DTD1: variants seen among roughly 807,000 people sequenced by gnomAD.
DTD1 encodes D-aminoacyl-tRNA deacylase 1, also known as D-tyrosyl-tRNA deacylase 1 homolog.
DTD1 carries 13 observed loss-of-function variants against 25.6 expected under a neutral mutation model. The observed-to-expected ratio is 0.51, with a 90% confidence interval of 0.33 to 0.81. The LOEUF (loss-of-function observed/expected upper bound fraction) is 0.81, where lower values mean the gene tolerates loss of function less well. Among genes scored for constraint, DTD1 ranks in the 30% least tolerant of loss-of-function variants. The probability of loss-of-function intolerance (pLI) is 0.02; values close to 1 mark genes in which losing one functional copy is unlikely to be tolerated. For synonymous variants in DTD1, 110 were observed against 103.6 expected, an observed-to-expected ratio of 1.06 and a Z score of -0.37; for missense variants, 193 against 266.4, an observed-to-expected ratio of 0.72 and a Z score of 1.92.
At position 18,628,233 on chromosome 20, in the gene DTD1, G is replaced by A. The variant is rs760379955; in HGVS notation, c.477G>A (p.Gln159=). ...APGTATSDPK[Q]LSKLEKQQQR... ...GCACTGCTACCTCTGACCCAAAGCA[G>A]GTAAGCCTGGAGTCTGGTGCCTGGC... Residue 159 remains glutamine, a splice_region_variant and synonymous_variant, in exon 4 of 6, where the codon CAG becomes CAA. Transcript: ENST00000377452. 1 of 1,612,418 alleles carries A rather than the reference G, an allele frequency of 6.2e-7. No individual in the cohort carries two copies.
intron 1 of DTD1, chr20:18,588,704 C>T (rs1289481550): frequency 7.1e-6 from 7 of 985,194 alleles, no homozygotes; most frequent in Non-Finnish European, 8.4e-6. Context: ...CCCTCGCCCT[C>T]GCCCGCTGAA....
chr20:18,758,967 A>T (rs1255498621), intron 5 of DTD1, among the ~76,000 whole-genome samples: 1 of 152,126 alleles, frequency 6.6e-6, no homozygotes, highest in Non-Finnish European at 1.5e-5. Context: ...TCTTGTTGAA[A>T]TGATCTCTTT....
At chr20:18,695,312 A>G (rs577001533) in intron 4 of DTD1, among the ~76,000 whole-genome samples, 1 of 151,402 alleles carries the variant, frequency 6.6e-6, no homozygotes, top group East Asian at 2.0e-4. Flanking sequence ...GGTTGTAAGA[A>G]TTTCGTTTAT....
intron 3 of DTD1, among the ~76,000 whole-genome samples, chr20:18,613,075 G>T (rs2060694275): frequency 6.6e-6 from 1 of 152,214 alleles, no homozygotes; most frequent in South Asian, 2.1e-4. Flanking sequence ...AGGAAGGGGA[G>T]CAGTGTGCCC....
At chr20:18,658,116 G>T (rs1008940446) in intron 4 of DTD1, among the ~76,000 whole-genome samples, 4 of 151,838 alleles carry the variant, frequency 2.6e-5, no homozygotes, top group African/African-American at 9.7e-5. Context: ...TCTATAAAAA[G>T]TATTTATTAA....
chr20:18,757,132 CTT>C (rs1222465771), intron 5 of DTD1, among the ~76,000 whole-genome samples: 1 of 152,098 alleles, frequency 6.6e-6, no homozygotes, highest in Non-Finnish European at 1.5e-5. Flanking sequence ...TATCCTGAGA[CTT>C]TGCTGAAGTT....
chr20:18,693,057 A>T (rs2061053886), intron 4 of DTD1, among the ~76,000 whole-genome samples: 1 of 151,748 alleles, frequency 6.6e-6, no homozygotes, highest in Non-Finnish European at 1.5e-5. Flanking sequence ...CGCCTGGCTA[A>T]TTTTTTTGTC....
intron 4 of DTD1, among the ~76,000 whole-genome samples, chr20:18,704,543 C>G (rs576371098): frequency 6.4e-4 from 98 of 152,218 alleles, no homozygotes; most frequent in Admixed American, 1.2e-3. Context: ...ATTCTAAGAA[C>G]AGAAATTTTG....
chr20:18,624,038 G>A (rs1053483192), intron 3 of DTD1, among the ~76,000 whole-genome samples: 4 of 152,106 alleles, frequency 2.6e-5, no homozygotes, highest in African/African-American at 9.7e-5. Context: ...GGGGTGCCCT[G>A]TCAGGGAAGG....
At chr20:18,592,070 AAG>A (rs2060591740) in intron 1 of DTD1, among the ~76,000 whole-genome samples, 2 of 152,216 alleles carry the variant, frequency 1.3e-5, no homozygotes, top group Non-Finnish European at 2.9e-5. Flanking sequence ...CAACTGAAGA[AAG>A]AGGGAAGTTT....
chr20:18,651,700 G>A (rs1337614644), intron 4 of DTD1, among the ~76,000 whole-genome samples: 1 of 152,176 alleles, frequency 6.6e-6, no homozygotes, highest in African/African-American at 2.4e-5. Context: ...TCTGGAGAGT[G>A]GTCTGAGCAT....
chr20:18,728,469 G>A (rs1242343587), intron 4 of DTD1, among the ~76,000 whole-genome samples: 2 of 152,226 alleles, frequency 1.3e-5, no homozygotes, highest in African/African-American at 4.8e-5. Flanking sequence ...AATGCAGATT[G>A]TGGTTCTGCA....
chr20:18,748,812 G>A (rs2061310593), intron 5 of DTD1, among the ~76,000 whole-genome samples: 1 of 152,202 alleles, frequency 6.6e-6, no homozygotes, highest in South Asian at 2.1e-4. Context: ...CGGTAGTGCA[G>A]ATTAGGTAGC....
chr20:18,765,842 A>G lies in DTD1; in HGVS notation c.*2502A>G, dbSNP rs2061377364. On this transcript the variant is annotated 3_prime_UTR_variant, in exon 6 of 6. Coordinates refer to ENST00000377452, the MANE Select transcript of DTD1 (RefSeq NM_080820.6). ...TTATAAAGCATACTGCTTATTGTCCATTAAAACATCATTTGAATGAGGATG... is the reference window on the plus strand; with the variant it reads ...TTATAAAGCATACTGCTTATTGTCCGTTAAAACATCATTTGAATGAGGATG... 6.6e-6 allele frequency: 1 copy of G among 152,198 alleles called. No homozygotes were observed. The highest frequency in any genetic ancestry group is 2.1e-4 in the South Asian group (1 of 4,828). The allele number at this position is 152,198 out of a possible 1,614,324, so 9.4% of individuals were successfully genotyped here. A position where few individuals can be genotyped will look rare whatever the true frequency, so the allele number is the denominator to read the frequency against.
Position 18,594,498 on chromosome 20 carries a change from A to G in DTD1, c.134+677A>G, listed in dbSNP as rs191480970. On this transcript the variant is annotated intron_variant, in intron 2 of 5. Transcript: ENST00000377452. ...AATGATTGTTCACTTTATAGCTCCC[A>G]TTCATTCCAGACATAAAATCAGAAT... is the stretch of plus-strand genomic sequence containing the variant. Among the ~76,000 whole-genome samples the G allele has an allele frequency of 1.1e-3, 162 of 152,270 alleles. 1 individual carries two copies. Among genetic ancestry groups the G allele is most frequent in the African/African-American group, 3.5e-3 (145 of 41,542 alleles).
chr20:18,588,558 C>T (rs73112608), intron 1 of DTD1, among the ~76,000 whole-genome samples: 5,804 of 152,272 alleles, frequency 0.038, 143 homozygotes, highest in Non-Finnish European at 0.06. Context: ...TTTACGTATT[C>T]CAATTTTTAT....
Position 18,728,491 on chromosome 20 carries a change from G to A in DTD1, c.478-15609G>A, listed in dbSNP as rs117580165. Among the ~76,000 whole-genome samples, 691 of 152,310 alleles carry A rather than the reference G, an allele frequency of 4.5e-3. 5 individuals are homozygous for A. Among genetic ancestry groups the A allele is most frequent in the Non-Finnish European group, 5.7e-3 (389 of 68,018 alleles). On this transcript the variant is annotated intron_variant, in intron 4 of 5. Transcript: ENST00000377452. ...ATTGTGGTTCTGCAAGTCTGGGTGG[G>A]GTCTGGGAGTCTGCATTCTGACAGC...
At chr20:18,721,558 TCCTCATAAAATTAA>T (rs1455966306) in intron 4 of DTD1, among the ~76,000 whole-genome samples, 2 of 152,364 alleles carry the variant, frequency 1.3e-5, no homozygotes, top group Admixed American at 1.3e-4. Flanking sequence ...ATTAATATTA[TCCTCATAAAATTAA>T]TGAGTTGGGA....
chr20:18,754,261 A>G (rs1288503727), intron 5 of DTD1, among the ~76,000 whole-genome samples: 1 of 152,208 alleles, frequency 6.6e-6, no homozygotes, highest in Non-Finnish European at 1.5e-5. Context: ...GTCTGGCCTC[A>G]CTGGAGATGT....
Sources: gnomAD v4.1 joint callset for allele counts (sites outside exome capture counted in the v4.1 genomes callset) on GRCh38, gnomAD v4.1.1 for gene constraint, MANE v1.5 for transcripts, NCBI Gene and HGNC (gene_info 2026-07-23, HGNC 2026-07-21) for gene names.